Variants in IDO2 observed in about 807,000 individuals in gnomAD.
IDO2 encodes indoleamine 2,3-dioxygenase 2, also known as indoleamine 2,3-dioxygenase-like 1 protein.
Under a neutral mutation model 45.1 loss-of-function variants are expected in IDO2, and 46 were observed. That is an observed-to-expected ratio of 1.02 (90% CI 0.80 to 1.30). IDO2 has a LOEUF of 1.30. Among genes scored for constraint, IDO2 ranks in the 50% most tolerant of loss-of-function variants. IDO2 has a pLI of 0.00. For synonymous variants in IDO2, 218 were observed against 184.9 expected, an observed-to-expected ratio of 1.18 and a Z score of -1.45; for missense variants, 544 against 491.8, an observed-to-expected ratio of 1.11 and a Z score of -1.00.
intron 1 of IDO2, among the ~76,000 whole-genome samples, chr8:39,943,184 G>A (rs1009186605): frequency 7.3e-5 from 11 of 151,330 alleles, no homozygotes; most frequent in Admixed American, 2.0e-4. Context: ...CGTGACTAAC[G>A]TGGGGAAACC....
chr8:39,945,743 A>G (rs1375955154), intron 1 of IDO2, among the ~76,000 whole-genome samples: 1 of 152,172 alleles, frequency 6.6e-6, no homozygotes, highest in Non-Finnish European at 1.5e-5. Flanking sequence ...TTGGTTGAAG[A>G]GCTTAGGATT....
chr8:39,956,953 G>C (rs6996913), intron 2 of IDO2, among the ~76,000 whole-genome samples: 1 of 136,542 alleles, frequency 7.3e-6, no homozygotes, highest in African/African-American at 2.7e-5. Flanking sequence ...TGAGTCAGGA[G>C]AATTGCTTGA....
chr8:39,972,609 CAAAAAA>C (rs35394460), intron 3 of IDO2, among the ~76,000 whole-genome samples: 30 of 34,550 alleles, frequency 8.7e-4, no homozygotes, highest in Non-Finnish European at 2.9e-4. Flanking sequence ...GACTCCATCT[CAAAAAA>C]AAAAAAAAAA....
Position 39,961,320 on chromosome 8 carries a change from C to CT in IDO2, c.100-2269dup, listed in dbSNP as rs57577433. ...AGTTATGCTTTCAAATTGTATACTT[C>CT]TTTTTTTTTTTTTTTTTTTGAAATG... On this transcript the variant is annotated intron_variant, in intron 2 of 10. Coordinates refer to ENST00000502986, the Ensembl canonical transcript of IDO2. Among the ~76,000 whole-genome samples, 978 of 106,092 alleles carry CT rather than the reference C, an allele frequency of 9.2e-3. 21 individuals are homozygous for CT. The highest frequency in any genetic ancestry group is 0.026 in the African/African-American group (770 of 29,440). 69.6% of individuals were successfully genotyped at this position (106,092 alleles called of 152,430 possible). A position where few individuals can be genotyped will look rare whatever the true frequency, so the allele number is the denominator to read the frequency against.
intron 9 of IDO2, among the ~76,000 whole-genome samples, chr8:40,009,625 G>T (rs1268918172): frequency 6.6e-6 from 1 of 152,174 alleles, no homozygotes; most frequent in Non-Finnish European, 1.5e-5. Context: ...TAATTGGGCT[G>T]CTCAAAGAAA....
At chr8:39,976,677 T>G (rs1388519758) in intron 3 of IDO2, among the ~76,000 whole-genome samples, 1 of 152,196 alleles carries the variant, frequency 6.6e-6, no homozygotes, top group African/African-American at 2.4e-5. Flanking sequence ...GAGAAGCTCC[T>G]CAAACTGCAT....
intron 1 of IDO2, among the ~76,000 whole-genome samples, chr8:39,937,168 C>T (rs11781217): frequency 0.42 from 64,011 of 151,988 alleles, 13,667 homozygotes; most frequent in East Asian, 0.57. Flanking sequence ...TGAAAAATGT[C>T]GTTTGAGTGA....
intron 8 of IDO2, among the ~76,000 whole-genome samples, chr8:40,003,418 A>G (rs1183757778): frequency 6.7e-6 from 1 of 148,996 alleles, no homozygotes; most frequent in Non-Finnish European, 1.5e-5. Context: ...CCTTTCATTT[A>G]CTAGTTTTTC....
In IDO2 at chr8:39,979,101, ACC is replaced by A. The variant is rs762477779; in HGVS notation, c.231_232del (p.His77GlnfsTer146). ...CTGAGCTGCCAGTTCCTGAAGGGTC[ACC>A]GGGAGCAGCGCCTGGCCCACCTGGT... On this transcript the variant is annotated frameshift_variant, in exon 4 of 11. Coordinates refer to ENST00000502986, the Ensembl canonical transcript of IDO2. LOFTEE classifies it high-confidence loss of function. The A allele has an allele frequency of 1.3e-6, 2 of 1,599,544 alleles. No homozygotes were observed. Among genetic ancestry groups the A allele is most frequent in the Non-Finnish European group, 1.7e-6 (2 of 1,173,608 alleles).
At chr8:40,004,525 T>TGATAGACAGATA (rs1554549464) in intron 8 of IDO2, among the ~76,000 whole-genome samples, 18 of 144,518 alleles carry the variant, frequency 1.2e-4, no homozygotes, top group East Asian at 2.0e-4. Context: ...GACAGACAGA[T>TGATAGACAGATA]GATAGATAGA....
chr8:39,950,611 G>C (rs1365898703), intron 2 of IDO2, among the ~76,000 whole-genome samples: 2 of 152,182 alleles, frequency 1.3e-5, no homozygotes, highest in Admixed American at 6.5e-5. Flanking sequence ...CCAGCCACGA[G>C]AGCACACCAA....
At chr8:40,009,429 T>TAGCCTTTGCA (rs1802277263) in intron 9 of IDO2, among the ~76,000 whole-genome samples, 3 of 146,236 alleles carry the variant, frequency 2.1e-5, no homozygotes, top group African/African-American at 7.8e-5. Context: ...TTGAGGAAGT[T>TAGCCTTTGCA]AGCCTTTGCA....
chr8:39,985,750 C>A, intron 6 of IDO2: 1 of 517,858 alleles, frequency 1.9e-6, no homozygotes, highest in Non-Finnish European at 3.4e-6. Context: ...ACTGTATTTT[C>A]CAGTCTGTAC....
At chr8:39,984,382 G>A (rs1808394190) in intron 5 of IDO2, among the ~76,000 whole-genome samples, 1 of 152,204 alleles carries the variant, frequency 6.6e-6, no homozygotes, top group Non-Finnish European at 1.5e-5. Flanking sequence ...GGCTGAGGCA[G>A]GAGAATCACT....
chr8:39,980,679 A>G (rs1036306501), intron 4 of IDO2, among the ~76,000 whole-genome samples: 11 of 152,212 alleles, frequency 7.2e-5, no homozygotes, highest in African/African-American at 2.4e-4. Flanking sequence ...GGGGAAACAC[A>G]GGAGACTCAG....
In IDO2 at chr8:39,989,790, C is replaced by CT. The variant is rs879068019; in HGVS notation, c.620dup (p.Arg208GlufsTer16). Reference sequence around the variant, plus strand: ...GGCCCTGCTCCAAGCCCTGCAGCGACTGAGACTGTCTATTCAGGACATCAC... The same window carrying CT: ...GGCCCTGCTCCAAGCCCTGCAGCGACTTGAGACTGTCTATTCAGGACATCAC... On this transcript the variant is annotated frameshift_variant, in exon 8 of 11. Coordinates refer to ENST00000502986, the Ensembl canonical transcript of IDO2. LOFTEE classifies it high-confidence loss of function. 3 of 1,605,020 alleles carry CT rather than the reference C, an allele frequency of 1.9e-6. No homozygotes were observed. Among genetic ancestry groups the CT allele is most frequent in the South Asian group, 2.2e-5 (2 of 89,016 alleles).
chr8:40,007,848 G>C (rs895688617), intron 9 of IDO2, among the ~76,000 whole-genome samples: 3 of 152,092 alleles, frequency 2.0e-5, no homozygotes, highest in African/African-American at 7.2e-5. Flanking sequence ...TTATCTATTG[G>C]GCTGGGCTCT....
chr8:39,943,961 G>T (rs56838465), intron 1 of IDO2, among the ~76,000 whole-genome samples: 62,936 of 151,832 alleles, frequency 0.41, 13,232 homozygotes, highest in East Asian at 0.59. Flanking sequence ...TCCTGGCACA[G>T]AAGGAGCTGA....
At chr8:39,958,816 A>G (rs1194878970) in intron 2 of IDO2, among the ~76,000 whole-genome samples, 3 of 145,928 alleles carry the variant, frequency 2.1e-5, no homozygotes, top group African/African-American at 7.6e-5. Flanking sequence ...GCCAAAATTT[A>G]TACTTAATCT....
Sources: gnomAD v4.1 joint callset for allele counts (sites outside exome capture counted in the v4.1 genomes callset) on GRCh38, gnomAD v4.1.1 for gene constraint, MANE v1.5 for transcripts, NCBI Gene and HGNC (gene_info 2026-07-23, HGNC 2026-07-21) for gene names.